The following INSL6 variants were observed in gnomAD, a reference collection of about 807,000 sequenced individuals.
The protein encoded by INSL6 is insulin like 6, also known as insulin-like peptide INSL6.
INSL6 carries 16 observed loss-of-function variants against 9.4 expected under a neutral mutation model. The ratio of observed to expected loss-of-function variants is 1.70; its 90% CI spans 1.15 to 2.59. The LOEUF is 2.59. Ranked by LOEUF, INSL6 falls within the 30% of genes most tolerant of loss-of-function variation. The pLI is 0.00. For missense variants in INSL6, 391 were observed against 257.3 expected (o/e 1.52, Z -3.56); for synonymous variants, 154 against 96.9 (o/e 1.59, Z -3.46).
chr9:5,066,715 A>AATC, the INSL6 span: 1 of 1,610,482 alleles, frequency 6.2e-7, no homozygotes, highest in Admixed American at 1.7e-5. Flanking sequence ...GAAAGCAGGT[A>AATC]ATCAGACTGG....
At position 5,126,322 on chromosome 9, in the gene INSL6, G is replaced by C. The variant is rs779522337; in HGVS notation, c.*11-1811C>G. On this transcript the variant is annotated intron_variant, in intron 3 of 3. Coordinates refer to the INSL6 transcript ENST00000649639. ...AATGTACAAAAAATATTGAAAGTGG[G>C]TTTGTTTTAGGAATTTATGCGTATG... 3 of 1,553,726 alleles carry C rather than the reference G, an allele frequency of 1.9e-6. No homozygotes were observed. The South Asian group carries it at 3.5e-5, about 18-fold the overall frequency.
chr9:5,093,739 C>T, the INSL6 span, among the ~76,000 whole-genome samples: 4 of 152,170 alleles, frequency 2.6e-5, no homozygotes, highest in Non-Finnish European at 4.4e-5. Flanking sequence ...CTAGGGATAA[C>T]AGTGCAATCC....
At chr9:5,070,308 A>G in the INSL6 span, among the ~76,000 whole-genome samples, 4 of 152,152 alleles carry the variant, frequency 2.6e-5, no homozygotes, top group African/African-American at 7.2e-5. Flanking sequence ...CTCAAATTAA[A>G]AATTAAAAAT....
At chr9:5,003,272 GA>G in the INSL6 span, among the ~76,000 whole-genome samples, 1 of 151,950 alleles carries the variant, frequency 6.6e-6, no homozygotes. Flanking sequence ...ATTTTAATTG[GA>G]AGTGGGTTGA....
At chr9:5,161,024 C>G (rs558639708), downstream of INSL6, among the ~76,000 whole-genome samples, 1 of 152,166 alleles carries the variant, frequency 6.6e-6, no homozygotes, top group African/African-American at 2.4e-5. Context: ...AAACTAATAC[C>G]AACTCTACTC....
At chr9:5,096,057 CCCAA>C in the INSL6 span, among the ~76,000 whole-genome samples, 1 of 152,058 alleles carries the variant, frequency 6.6e-6, no homozygotes, top group Non-Finnish European at 1.5e-5. Context: ...GTCTTATTAC[CCCAA>C]CCATTATAGC....
chr9:5,181,016 G>A (rs1256880357), intron 1 of INSL6, among the ~76,000 whole-genome samples: 5 of 152,186 alleles, frequency 3.3e-5, no homozygotes, highest in East Asian at 1.9e-4. Context: ...TGTCACCCCC[G>A]GCGGCCCAGC....
chr9:5,011,631 G>C, the INSL6 span, among the ~76,000 whole-genome samples: 1 of 151,858 alleles, frequency 6.6e-6, no homozygotes, highest in African/African-American at 2.4e-5. Context: ...GTCTGCTTTG[G>C]GTCCATTTCT....
At chr9:5,175,610 G>A (rs1422822593) in intron 1 of INSL6, among the ~76,000 whole-genome samples, 1 of 152,134 alleles carries the variant, frequency 6.6e-6, no homozygotes, top group Non-Finnish European at 1.5e-5. Flanking sequence ...AGGCGAGCGA[G>A]CAAAGCTTCA....
At chr9:5,168,927 AT>A (rs34418346) in intron 1 of INSL6, among the ~76,000 whole-genome samples, 59,040 of 143,360 alleles carry the variant, frequency 0.41, 12,695 homozygotes, top group African/African-American at 0.58. Context: ...TATTTATTTG[AT>A]TTTTTTTTTT....
chr9:5,159,712 C>A (rs1029601397), downstream of INSL6, among the ~76,000 whole-genome samples: 4 of 152,210 alleles, frequency 2.6e-5, no homozygotes, highest in African/African-American at 4.8e-5. Flanking sequence ...GACTTCAACA[C>A]CCTGCTTTCA....
At chr9:5,148,875 CTACA>C (rs1465704127) in intron 2 of INSL6, among the ~76,000 whole-genome samples, 1 of 152,214 alleles carries the variant, frequency 6.6e-6, no homozygotes, top group African/African-American at 2.4e-5. Flanking sequence ...ACTGATTACA[CTACA>C]TACTCCTACA....
intron 2 of INSL6, among the ~76,000 whole-genome samples, chr9:5,134,884 C>T (rs1824361856): frequency 6.6e-6 from 1 of 152,138 alleles, no homozygotes; most frequent in Non-Finnish European, 1.5e-5. Context: ...TTAAAAGACA[C>T]ACACTGGCAA....
downstream of INSL6, among the ~76,000 whole-genome samples, chr9:5,160,218 T>C (rs1824898103): frequency 6.7e-6 from 1 of 149,454 alleles, no homozygotes; most frequent in Non-Finnish European, 1.5e-5. Flanking sequence ...AAACAAATCT[T>C]AAAACATTCC....
In INSL6 at chr9:5,136,918, C is replaced by T. The variant is rs145043694; in HGVS notation, c.377-3326G>A. 1.5e-3 allele frequency among the ~76,000 whole-genome samples: 231 copies of T among 152,292 alleles called. 1 individual carries two copies. The highest frequency in any genetic ancestry group is 8.5e-3 in the South Asian group (41 of 4,820). On this transcript the variant is annotated intron_variant, in intron 2 of 3. Transcript: ENST00000649639. ...TCCTTAAGCTGATAAGCAACTTGAG[C>T]GAAGTCTCAGGATACAAAATCAATG...
the INSL6 span, among the ~76,000 whole-genome samples, chr9:5,118,358 C>T: frequency 6.6e-6 from 1 of 152,052 alleles, no homozygotes; most frequent in South Asian, 2.1e-4. Flanking sequence ...TTATGATCAC[C>T]TATTTTCTTT....
chr9:5,087,022 T>TCAAA, the INSL6 span, among the ~76,000 whole-genome samples: 1 of 152,180 alleles, frequency 6.6e-6, no homozygotes, highest in African/African-American at 2.4e-5. Flanking sequence ...CTTCCATCCC[T>TCAAA]CAAACACTAA....
At chr9:5,153,980 C>T (rs936496748) in intron 2 of INSL6, among the ~76,000 whole-genome samples, 2 of 152,068 alleles carry the variant, frequency 1.3e-5, no homozygotes, top group African/African-American at 4.8e-5. Context: ...TACTTTAAAT[C>T]TCATGTGGAA....
intron 3 of INSL6, among the ~76,000 whole-genome samples, chr9:5,129,222 A>T (rs955560968): frequency 1.3e-5 from 2 of 152,048 alleles, no homozygotes; most frequent in Non-Finnish European, 2.9e-5. Flanking sequence ...TGCTCACTTT[A>T]TTGAGCCTAT....
Sources: allele counts gnomAD v4.1 joint callset (sites outside exome capture counted in the v4.1 genomes callset), GRCh38; gene constraint gnomAD v4.1.1; transcripts MANE v1.5; gene names NCBI Gene and HGNC (gene_info 2026-07-23, HGNC 2026-07-21).